Variants in SPOP observed in about 807,000 individuals in gnomAD.
SPOP encodes speckle type BTB/POZ protein.
In SPOP, 11 loss-of-function variants were observed where a neutral mutation model predicts 45.6. The observed-to-expected ratio is 0.24, with a 90% confidence interval of 0.15 to 0.40. The LOEUF (loss-of-function observed/expected upper bound fraction) is 0.40. SPOP is among the 10% of genes least tolerant of loss of function. The pLI is 1.00. For missense variants in SPOP, 152 were observed against 465.6 expected (o/e 0.33, Z 6.20); for synonymous variants, 166 against 166.3 (o/e 1.00, Z 0.01).
Position 49,622,838 on chromosome 17 carries a change from C to A in SPOP, c.-28G>T. The A allele has an allele frequency of 6.2e-7, 1 of 1,601,420 alleles. No homozygotes were observed. The highest frequency in any genetic ancestry group is 8.6e-7 in the Non-Finnish European group (1 of 1,168,492). On this transcript the variant is annotated 5_prime_UTR_variant, in exon 2 of 10. Transcript: ENST00000504102. ...CCAGTTTGAAGGTTAAACGAGATTTCCAAAGTCAGGGGGCAAAGATTTCTG... is the reference window on the plus strand; with the variant it reads ...CCAGTTTGAAGGTTAAACGAGATTTACAAAGTCAGGGGGCAAAGATTTCTG...
chr17:49,619,513 AAT>A lies in SPOP; in HGVS notation c.201-130_201-129del. The A allele has an allele frequency of 9.3e-7, 1 of 1,069,534 alleles. No individual in the cohort carries two copies. Among genetic ancestry groups the A allele is most frequent in the East Asian group, 2.6e-5 (1 of 38,622 alleles). 66.3% of individuals were successfully genotyped at this position (1,069,534 alleles called of 1,614,324 possible). A position where few individuals can be genotyped will look rare whatever the true frequency, so the allele number is the denominator to read the frequency against. On this transcript the variant is annotated intron_variant, in intron 3 of 9. Coordinates refer to ENST00000504102, the MANE Select transcript of SPOP (RefSeq NM_001007228.2). The surrounding 1 kb of genome is among the most constrained non-coding windows in gnomAD (Gnocchi z 4.9). ...CCCATAGAAGAATATAATTCAGTAG[AAT>A]GACTAGTTGGGAACAACTTTTTTCT... is the stretch of plus-strand genomic sequence containing the variant.
intron 1 of SPOP, among the ~76,000 whole-genome samples, chr17:49,651,754 C>T (rs2072845212): frequency 6.6e-6 from 1 of 152,188 alleles, no homozygotes; most frequent in Admixed American, 6.5e-5. Context: ...CACGATGGCT[C>T]ATGCCTGTAA....
At chr17:49,632,600 C>G (rs1431802064) in intron 1 of SPOP, among the ~76,000 whole-genome samples, 1 of 151,964 alleles carries the variant, frequency 6.6e-6, no homozygotes, top group African/African-American at 2.4e-5. Flanking sequence ...TCAAGCAATT[C>G]TCCCGCCTTA....
chr17:49,672,069 G>A (rs2073142890), intron 1 of SPOP, among the ~76,000 whole-genome samples: 1 of 152,140 alleles, frequency 6.6e-6, no homozygotes, highest in South Asian at 2.1e-4. Context: ...GAATCCAGGA[G>A]GCAGAGGTTG....
At chr17:49,665,564 G>C (rs979071596) in intron 1 of SPOP, among the ~76,000 whole-genome samples, 4 of 147,708 alleles carry the variant, frequency 2.7e-5, no homozygotes, top group African/African-American at 1.0e-4. Flanking sequence ...GCAGTGAGCC[G>C]AGATCGCACC....
intron 1 of SPOP, among the ~76,000 whole-genome samples, chr17:49,624,333 A>G (rs2537702): frequency 0.18 from 7,610 of 42,320 alleles, 276 homozygotes; most frequent in East Asian, 0.53. Context: ...GCGCGCGCGC[A>G]CACACACACA....
chr17:49,668,099 G>A (rs2073086613), intron 1 of SPOP: 1 of 152,208 alleles, frequency 6.6e-6, no homozygotes, highest in Non-Finnish European at 1.5e-5. Flanking sequence ...GAGGAAACAA[G>A]AAGGTGTTTA....
chr17:49,602,107 A>G, intron 8 of SPOP, 100 bp from the exon 9 acceptor site: 1 of 1,374,494 alleles, frequency 7.3e-7, no homozygotes, highest in South Asian at 1.3e-5. Context: ...TTAACTAGAT[A>G]CTTGAATAGA....
chr17:49,606,975 T>C (rs1017852820), intron 8 of SPOP: 3 of 355,696 alleles, frequency 8.4e-6, no homozygotes, highest in African/African-American at 6.4e-5. Context: ...GTGGTTAAAT[T>C]TGAGATGGAA....
Position 49,607,291 on chromosome 17 carries a change from G to C in SPOP, c.796C>G (p.Leu266Val). Reference sequence around the variant, plus strand: ...AGCAAATCATCAGCCATTTTGTCGAGGTTTGGAGCCTTCCCCGTGTAAATG... The same window carrying C: ...AGCAAATCATCAGCCATTTTGTCGACGTTTGGAGCCTTCCCCGTGTAAATG... ...CFIYTGKAPN[L>V]DKMADDLLAA... Residue 266 changes from leucine (L) to valine (V), a missense_variant, in exon 8 of 10, where the codon CTC becomes GTC. By Grantham distance (32) the Leu-to-Val change is conservative (BLOSUM62 1). This residue lies in a region of SPOP where 106 missense variants were observed against 255.2 expected (regional missense o/e 0.42). Transcript: ENST00000504102. The C allele has an allele frequency of 6.2e-7, 1 of 1,613,992 alleles. No homozygotes were observed. The highest frequency in any genetic ancestry group is 8.5e-7 in the Non-Finnish European group (1 of 1,179,980).
At chr17:49,666,430 G>C (rs887632299) in intron 1 of SPOP, among the ~76,000 whole-genome samples, 1 of 146,422 alleles carries the variant, frequency 6.8e-6, no homozygotes, top group Admixed American at 7.1e-5. Flanking sequence ...TATAGGGGAG[G>C]ATTCCTTCAT....
In SPOP at chr17:49,645,573, G is replaced by T. The variant is rs370108438; in HGVS notation, c.-66-22697C>A. Among the ~76,000 whole-genome samples the T allele has an allele frequency of 5.9e-5, 9 of 152,092 alleles. No individual in the cohort carries two copies. In the East Asian group the frequency reaches 1.7e-3, roughly 29 times the overall value. ...GCCTCCCAAAGTGCTGGGATTACAG[G>T]CATGAGTCACCGCGCCCAGCCAGAA... On this transcript the variant is annotated intron_variant, in intron 1 of 9. Transcript: ENST00000504102.
intron 1 of SPOP, among the ~76,000 whole-genome samples, chr17:49,642,087 A>G (rs549282721): frequency 6.6e-6 from 1 of 152,174 alleles, no homozygotes; most frequent in South Asian, 2.1e-4. Flanking sequence ...CAAAGAGACA[A>G]GAACTCTCAT....
chr17:49,641,790 G>A (rs2072656646), intron 1 of SPOP, among the ~76,000 whole-genome samples: 1 of 152,152 alleles, frequency 6.6e-6, no homozygotes, highest in Admixed American at 6.6e-5. Context: ...GGGAGGCCGA[G>A]GTGGGTGGAT....
chr17:49,600,609 G>A lies in SPOP; in HGVS notation c.981-87C>T, dbSNP rs2143100379. ...CACCTAGATAGCCTAATTTTCCACTGTTAGGTATAAAGGGTGTCAATGCAA... is the reference window on the plus strand; with the variant it reads ...CACCTAGATAGCCTAATTTTCCACTATTAGGTATAAAGGGTGTCAATGCAA... On this transcript the variant is annotated intron_variant, in intron 9 of 9. Transcript: ENST00000504102. This position sits in a 1 kb window ranked among gnomAD's most constrained non-coding sequence, Gnocchi z 4.2. 1.4e-6 allele frequency: 2 copies of A among 1,475,482 alleles called. No homozygotes were observed. Among genetic ancestry groups the A allele is most frequent in the East Asian group, 2.3e-5 (1 of 43,952 alleles). 91.4% of individuals were successfully genotyped at this position (1,475,482 alleles called of 1,614,324 possible). A position where few individuals can be genotyped will look rare whatever the true frequency, so the allele number is the denominator to read the frequency against.
intron 2 of SPOP, chr17:49,622,503 G>T: frequency 1.8e-6 from 1 of 569,452 alleles, no homozygotes; most frequent in Middle Eastern, 4.0e-4. Context: ...AGCAGATCTA[G>T]TTTCAAAGAT....
At chr17:49,624,331 GCACACACACACACACACA>G (rs58009760) in intron 1 of SPOP, among the ~76,000 whole-genome samples, 18 of 149,224 alleles carry the variant, frequency 1.2e-4, no homozygotes, top group African/African-American at 1.7e-4. Flanking sequence ...GCGCGCGCGC[GCACACACACACACACACA>G]CACACACACA....
intron 1 of SPOP, among the ~76,000 whole-genome samples, chr17:49,649,354 T>C (rs776503606): frequency 4.7e-5 from 7 of 150,456 alleles, no homozygotes; most frequent in Non-Finnish European, 2.9e-5. Context: ...CTGGCCGCCA[T>C]GGTGAAACCC....
chr17:49,625,126 A>T (rs1206501150), intron 1 of SPOP, among the ~76,000 whole-genome samples: 1 of 152,188 alleles, frequency 6.6e-6, no homozygotes, highest in Non-Finnish European at 1.5e-5. Flanking sequence ...ACAAGTTCCC[A>T]GATGATCCTT....
Sources: allele counts gnomAD v4.1 joint callset (sites outside exome capture counted in the v4.1 genomes callset), GRCh38; gene constraint gnomAD v4.1.1; regional missense constraint gnomAD v4.1.1; non-coding constraint Gnocchi (gnomAD v3.1); transcripts MANE v1.5; gene names NCBI Gene and HGNC (gene_info 2026-07-23, HGNC 2026-07-21).